Variants in ZNF438 observed in about 807,000 individuals in gnomAD.
The protein encoded by ZNF438 is zinc finger protein 438.
A neutral mutation model predicts 38.0 loss-of-function variants in ZNF438; 25 were observed. The ratio of observed to expected loss-of-function variants is 0.66; its 90% CI spans 0.48 to 0.92. The LOEUF (loss-of-function observed/expected upper bound fraction) is 0.92, where lower values mean the gene tolerates loss of function less well. Among genes scored for constraint, ZNF438 ranks in the 40% least tolerant of loss-of-function variants. ZNF438 has a pLI of 0.00. For synonymous variants in ZNF438, 372 were observed against 364.1 expected (o/e 1.02, Z -0.25); for missense variants, 1,007 against 999.6 (o/e 1.01, Z -0.10).
At chr10:30,878,612 G>A (rs538509319) in intron 3 of ZNF438, among the ~76,000 whole-genome samples, 1 of 152,122 alleles carries the variant, frequency 6.6e-6, no homozygotes, top group East Asian at 1.9e-4. Flanking sequence ...CCTTGCTGGT[G>A]GAGTGTAGAC....
intron 4 of ZNF438, among the ~76,000 whole-genome samples, chr10:30,874,502 T>A (rs1168231714): frequency 6.7e-6 from 1 of 149,890 alleles, no homozygotes; most frequent in East Asian, 1.9e-4. Context: ...CTGATGCTTT[T>A]GTTAAAAAAT....
chr10:30,893,741 ACACTGCT>A (rs2040996548), intron 3 of ZNF438, among the ~76,000 whole-genome samples: 2 of 152,290 alleles, frequency 1.3e-5, no homozygotes, highest in South Asian at 4.1e-4. Flanking sequence ...TTTTAGATGT[ACACTGCT>A]CCCTAAATCC....
chr10:30,872,318 C>G, intron 4 of ZNF438, among the ~76,000 whole-genome samples: 1 of 150,832 alleles, frequency 6.6e-6, no homozygotes, highest in South Asian at 2.1e-4. Context: ...CCCAGCTATT[C>G]GGGAGGCTGA....
At chr10:30,859,504 G>C (rs2035230748) in intron 4 of ZNF438, among the ~76,000 whole-genome samples, 1 of 152,150 alleles carries the variant, frequency 6.6e-6, no homozygotes, top group African/African-American at 2.4e-5. Context: ...TGTGGTTATG[G>C]CCAGCATCTG....
chr10:30,898,727 C>T (rs780670491), intron 3 of ZNF438, among the ~76,000 whole-genome samples: 1 of 151,924 alleles, frequency 6.6e-6, no homozygotes, highest in Non-Finnish European at 1.5e-5. Context: ...TTGGTATTTT[C>T]CGCATTCCAA....
At chr10:30,864,710 C>T (rs760737504) in intron 4 of ZNF438, among the ~76,000 whole-genome samples, 3 of 152,170 alleles carry the variant, frequency 2.0e-5, no homozygotes, top group Non-Finnish European at 4.4e-5. Context: ...AGAAAAACAA[C>T]AGCAACAAGA....
At chr10:30,939,798 A>G (rs1309292838) in intron 2 of ZNF438, among the ~76,000 whole-genome samples, 1 of 152,252 alleles carries the variant, frequency 6.6e-6, no homozygotes, top group Non-Finnish European at 1.5e-5. Context: ...CTCCATATCC[A>G]GAGCTACAAT....
At chr10:30,880,300 G>A (rs2039040524) in intron 3 of ZNF438, among the ~76,000 whole-genome samples, 1 of 151,786 alleles carries the variant, frequency 6.6e-6, no homozygotes, top group South Asian at 2.1e-4. Context: ...GCATGGTGGT[G>A]CATGCCTGTA....
intron 1 of ZNF438, among the ~76,000 whole-genome samples, chr10:31,026,892 C>G (rs1361279676): frequency 6.6e-6 from 1 of 152,120 alleles, no homozygotes; most frequent in South Asian, 2.1e-4. Context: ...ACATATACAC[C>G]ATGGAATACT....
intron 4 of ZNF438, among the ~76,000 whole-genome samples, chr10:30,866,183 C>T (rs2036402309): frequency 6.6e-6 from 1 of 152,182 alleles, no homozygotes; most frequent in South Asian, 2.1e-4. Context: ...AAATCGTTCA[C>T]AGTCAGAGTA....
intron 1 of ZNF438, among the ~76,000 whole-genome samples, chr10:31,020,177 T>C (rs140390581): frequency 1.6e-3 from 244 of 152,294 alleles, no homozygotes; most frequent in African/African-American, 5.6e-3. Flanking sequence ...TATTCAGGAA[T>C]CAATTTTTTC....
At chr10:30,986,335 C>T (rs555571028) in intron 1 of ZNF438, among the ~76,000 whole-genome samples, 7 of 152,292 alleles carry the variant, frequency 4.6e-5, no homozygotes, top group East Asian at 1.9e-4. Context: ...ATATACAGCA[C>T]TTCAGTTCCA....
Position 31,010,651 on chromosome 10 carries a change from C to G in ZNF438, c.-192+21182G>C, listed in dbSNP as rs1273133771. ...CCTGTGTTTCTAACACTTTGGGAGA[C>G]TGAGAAGGGAGGACAGCTTGAGGCC... On this transcript the variant is annotated intron_variant, in intron 1 of 5. Transcript: ENST00000413025. Among the ~76,000 whole-genome samples, 4 of 151,872 alleles carry G rather than the reference C, an allele frequency of 2.6e-5. No homozygotes were observed. In the East Asian group the frequency reaches 7.7e-4, roughly 29 times the overall value.
chr10:30,889,176 C>T (rs552192255), intron 3 of ZNF438, among the ~76,000 whole-genome samples: 1 of 152,260 alleles, frequency 6.6e-6, no homozygotes, highest in East Asian at 1.9e-4. Context: ...TTATTCTTAT[C>T]TCAATCTGTC....
chr10:30,852,205 TTTC>T (rs1290386783), intron 4 of ZNF438, among the ~76,000 whole-genome samples: 1 of 130,596 alleles, frequency 7.7e-6, no homozygotes, highest in Non-Finnish European at 1.7e-5. Context: ...CAACCTTGAT[TTTC>T]TTTTTTCTTT....
At chr10:31,021,395 GTTCT>G (rs138115562) in intron 1 of ZNF438, among the ~76,000 whole-genome samples, 5,067 of 152,180 alleles carry the variant, frequency 0.033, 137 homozygotes, top group Middle Eastern at 0.11. Context: ...TAGTACAGTA[GTTCT>G]TTATTTCATA....
At chr10:30,866,572 C>T (rs138814427) in intron 4 of ZNF438, among the ~76,000 whole-genome samples, 10 of 152,212 alleles carry the variant, frequency 6.6e-5, no homozygotes, top group Non-Finnish European at 1.0e-4. Context: ...CGGTGGCTCA[C>T]GCCTGTAATC....
intron 1 of ZNF438, among the ~76,000 whole-genome samples, chr10:31,015,139 A>G (rs551543204): frequency 6.6e-6 from 1 of 152,302 alleles, no homozygotes; most frequent in African/African-American, 2.4e-5. Context: ...AAGTGCTGAG[A>G]TTACAGGCGT....
rs868287856 is a variant in ZNF438 at position 30,961,253 on chromosome 10, A to C, written c.-191-19602T>G. ...AGAGTATAATAAATAAAAAAAAAAA[A>C]TTAAAAAAAAAAATTTTTTAATTTA... On this transcript the variant is annotated intron_variant, in intron 1 of 5. Transcript: ENST00000413025. Among the ~76,000 whole-genome samples the C allele has an allele frequency of 7.3e-5, 8 of 110,344 alleles. 1 individual carries two copies. The highest frequency in any genetic ancestry group is 1.3e-4 in the Non-Finnish European group (6 of 47,166). The allele number at this position is 110,344 out of a possible 152,430, so 72.4% of individuals were successfully genotyped here. A position where few individuals can be genotyped will look rare whatever the true frequency, so the allele number is the denominator to read the frequency against.
Sources: allele counts gnomAD v4.1 joint callset (sites outside exome capture counted in the v4.1 genomes callset), GRCh38; gene constraint gnomAD v4.1.1; transcripts MANE v1.5; gene names NCBI Gene and HGNC (gene_info 2026-07-23, HGNC 2026-07-21).